Variants in WWOX observed in about 807,000 individuals in gnomAD.
WWOX encodes the protein WW domain containing oxidoreductase.
Under a neutral mutation model 46.2 loss-of-function variants are expected in WWOX, and 69 were observed. The observed-to-expected ratio is 1.49, with a 90% CI of 1.23 to 1.82. WWOX has a LOEUF of 1.82. Ranked by LOEUF, WWOX falls within the 40% of genes most tolerant of loss-of-function variation. The probability of loss-of-function intolerance (pLI) is 0.00; values close to 1 mark genes in which losing one functional copy is unlikely to be tolerated. For synonymous variants in WWOX, 359 were observed against 202.6 expected (o/e 1.77, Z -6.56); for missense variants, 919 against 542.6 (o/e 1.69, Z -6.89).
intron 8 of WWOX, among the ~76,000 whole-genome samples, chr16:78,749,782 A>C (rs1023162512): frequency 2.6e-5 from 4 of 152,196 alleles, no homozygotes; most frequent in Non-Finnish European, 5.9e-5. Context: ...CCTGAAATGC[A>C]ACTGTACTTC....
At chr16:78,566,239 C>A (rs966439725) in intron 8 of WWOX, among the ~76,000 whole-genome samples, 1 of 152,150 alleles carries the variant, frequency 6.6e-6, no homozygotes, top group Admixed American at 6.5e-5. Flanking sequence ...AGCCCCACCT[C>A]CAAGTACTGT....
chr16:78,628,507 C>G (rs1422035665), intron 8 of WWOX, among the ~76,000 whole-genome samples: 1 of 152,112 alleles, frequency 6.6e-6, no homozygotes, highest in Non-Finnish European at 1.5e-5. Flanking sequence ...AACAGACTTG[C>G]CAGCTCCTTA....
intron 8 of WWOX, among the ~76,000 whole-genome samples, chr16:78,456,084 AAGGGGGTGG>A (rs2083810202): frequency 6.6e-6 from 1 of 152,162 alleles, no homozygotes; most frequent in Non-Finnish European, 1.5e-5. Context: ...TATGTAACTA[AAGGGGGTGG>A]AGGAGGATTC....
At chr16:78,440,065 G>A (rs190217646) in intron 8 of WWOX, among the ~76,000 whole-genome samples, 171 of 152,304 alleles carry the variant, frequency 1.1e-3, no homozygotes, top group African/African-American at 4.0e-3. Flanking sequence ...GTGCATAACT[G>A]GCTTTTTGAG....
At chr16:78,131,318 C>T (rs1194373387) in intron 4 of WWOX, among the ~76,000 whole-genome samples, 2 of 152,164 alleles carry the variant, frequency 1.3e-5, no homozygotes, top group African/African-American at 4.8e-5. Flanking sequence ...GCCAAGTGAT[C>T]CTCTCACCTC....
chr16:78,500,959 G>C (rs570052142), intron 8 of WWOX, among the ~76,000 whole-genome samples: 43 of 152,256 alleles, frequency 2.8e-4, no homozygotes, highest in South Asian at 1.0e-3. Flanking sequence ...GCTTAGGTCT[G>C]CTGGTGTTTA....
At chr16:78,458,216 A>C (rs1801200863) in intron 8 of WWOX, among the ~76,000 whole-genome samples, 1 of 149,618 alleles carries the variant, frequency 6.7e-6, no homozygotes, top group Non-Finnish European at 1.5e-5. Flanking sequence ...TATTCTGCCC[A>C]CTTCTATTCC....
intron 8 of WWOX, among the ~76,000 whole-genome samples, chr16:78,454,108 C>T (rs1036065127): frequency 3.3e-5 from 5 of 152,122 alleles, no homozygotes. Context: ...CAAGCCTCTT[C>T]CAGTATTCTA....
chr16:78,789,101 C>G (rs1465757027), intron 8 of WWOX, among the ~76,000 whole-genome samples: 1 of 152,084 alleles, frequency 6.6e-6, no homozygotes, highest in East Asian at 1.9e-4. Flanking sequence ...AATCCATTGT[C>G]AAATCCAAGG....
intron 8 of WWOX, among the ~76,000 whole-genome samples, chr16:79,096,235 G>A (rs556465030): frequency 7.2e-5 from 11 of 151,960 alleles, no homozygotes; most frequent in South Asian, 4.2e-4. Context: ...CTTTCTCCAC[G>A]GAGAACCAGA....
intron 4 of WWOX, among the ~76,000 whole-genome samples, chr16:78,145,695 A>G (rs557718828): frequency 1.6e-4 from 24 of 152,232 alleles, no homozygotes; most frequent in South Asian, 6.2e-4. Context: ...TTGACACTCA[A>G]TATTAACCAT....
chr16:78,707,998 C>T lies in WWOX; in HGVS notation c.1056+275246C>T, dbSNP rs535291369. ...TAACACTTGATCTTTGGTCTTCTGA[C>T]CTGAAATCCCATGGCTAGGATTGTC... On this transcript the variant is annotated intron_variant, in intron 8 of 8. Transcript: ENST00000566780. Among the ~76,000 whole-genome samples the T allele has an allele frequency of 1.6e-4, 25 of 152,236 alleles. No homozygotes were observed. In the South Asian group the frequency reaches 1.7e-3, roughly 10 times the overall value.
intron 8 of WWOX, among the ~76,000 whole-genome samples, chr16:78,599,310 TAATC>T (rs1000769220): frequency 2.7e-4 from 41 of 152,206 alleles, no homozygotes; most frequent in African/African-American, 8.9e-4. Context: ...TTAAATTAAT[TAATC>T]AATCCACAGA....
intron 8 of WWOX, among the ~76,000 whole-genome samples, chr16:79,018,019 G>C (rs148364267): frequency 2.0e-5 from 3 of 152,200 alleles, no homozygotes; most frequent in East Asian, 3.9e-4. Flanking sequence ...TAAAGATTTG[G>C]CTTGGAGTTT....
chr16:78,849,974 A>G (rs558543567), intron 8 of WWOX, among the ~76,000 whole-genome samples: 44 of 152,226 alleles, frequency 2.9e-4, no homozygotes, highest in African/African-American at 2.4e-5. Flanking sequence ...TGGGAGGCTG[A>G]GGCAGGAGAA....
At chr16:78,307,921 G>A (rs2080163405) in intron 5 of WWOX, among the ~76,000 whole-genome samples, 1 of 152,118 alleles carries the variant, frequency 6.6e-6, no homozygotes, top group African/African-American at 2.4e-5. Flanking sequence ...TTCAATTGTG[G>A]TTAAGCACCA....
chr16:78,512,541 A>AT (rs2085385918), intron 8 of WWOX, among the ~76,000 whole-genome samples: 1 of 152,172 alleles, frequency 6.6e-6, no homozygotes, highest in Admixed American at 6.5e-5. Flanking sequence ...TAGAAATGGA[A>AT]TTTTTAAAAA....
chr16:79,138,680 C>G (rs1402060509), intron 8 of WWOX, among the ~76,000 whole-genome samples: 2 of 152,212 alleles, frequency 1.3e-5, no homozygotes, highest in African/African-American at 4.8e-5. Context: ...TCACAACTCT[C>G]TAACGTGGTC....
intron 7 of WWOX, among the ~76,000 whole-genome samples, chr16:78,431,914 C>G (rs1048484013): frequency 6.6e-6 from 1 of 151,980 alleles, no homozygotes; most frequent in South Asian, 2.1e-4. Flanking sequence ...TGGTGTCTCC[C>G]TATGTTGCCT....
Sources: gnomAD v4.1 joint callset for allele counts (sites outside exome capture counted in the v4.1 genomes callset) on GRCh38, gnomAD v4.1.1 for gene constraint, MANE v1.5 for transcripts, NCBI Gene and HGNC (gene_info 2026-07-23, HGNC 2026-07-21) for gene names.